RGS21: variants seen among roughly 807,000 people sequenced by gnomAD.
RGS21 encodes regulator of G protein signaling 21.
RGS21 carries 19 observed loss-of-function variants against 18.7 expected under a neutral mutation model. The observed-to-expected ratio is 1.01, with a 90% CI of 0.71 to 1.49. The LOEUF (loss-of-function observed/expected upper bound fraction) is 1.49. Ranked by LOEUF, RGS21 falls within the 40% of genes most tolerant of loss-of-function variation. RGS21 has a pLI of 0.00. For synonymous variants in RGS21, 56 were observed against 57.8 expected (o/e 0.97, Z 0.14); for missense variants, 194 against 176.8 (o/e 1.10, Z -0.55).
At chr1:192,354,635 C>G (rs1434810212) in intron 4 of RGS21, among the ~76,000 whole-genome samples, 1 of 151,580 alleles carries the variant, frequency 6.6e-6, no homozygotes, top group Non-Finnish European at 1.5e-5. Flanking sequence ...AAAATTAAAT[C>G]AAGAATGAGA....
At position 192,352,036 on chromosome 1, in the gene RGS21, A is replaced by C; in HGVS notation, c.89-11A>C. ...GCTATTATACAAAACTTTTTCTCAT[A>C]TATTTTATAGCTGGTCTAGATGCTT... On this transcript the variant is annotated splice_polypyrimidine_tract_variant and intron_variant, in intron 3 of 4. Coordinates refer to ENST00000417209, the MANE Select transcript of RGS21 (RefSeq NM_001039152.3). The C allele has an allele frequency of 6.5e-7, 1 of 1,544,542 alleles. No homozygotes were observed. The highest frequency in any genetic ancestry group is 8.7e-7 in the Non-Finnish European group (1 of 1,144,726).
At chr1:192,350,327 T>C (rs577675262) in intron 3 of RGS21, among the ~76,000 whole-genome samples, 47 of 152,310 alleles carry the variant, frequency 3.1e-4, no homozygotes, top group South Asian at 2.1e-3. Flanking sequence ...AGGAAGTCCT[T>C]TTCTATTTTA....
intron 4 of RGS21, among the ~76,000 whole-genome samples, chr1:192,358,608 C>A (rs969808018): frequency 5.9e-5 from 9 of 151,944 alleles, no homozygotes; most frequent in Non-Finnish European, 1.0e-4. Context: ...ATGCACACAC[C>A]CTTTGCATAA....
chr1:192,344,235 GA>G (rs955836561), intron 2 of RGS21, among the ~76,000 whole-genome samples: 7 of 151,622 alleles, frequency 4.6e-5, no homozygotes, highest in African/African-American at 9.7e-5. Flanking sequence ...TCTATTGCAG[GA>G]AAAAAACACT....
chr1:192,349,431 A>T (rs1213715668), intron 3 of RGS21, among the ~76,000 whole-genome samples: 3 of 152,194 alleles, frequency 2.0e-5, no homozygotes, highest in Admixed American at 1.3e-4. Flanking sequence ...GTTGATTTGC[A>T]GACATACTTT....
chr1:192,350,261 A>G (rs2102233409), intron 3 of RGS21, among the ~76,000 whole-genome samples: 1 of 152,350 alleles, frequency 6.6e-6, no homozygotes, highest in Admixed American at 6.5e-5. Flanking sequence ...ATAACTTTAA[A>G]AAAATCTGTT....
chr1:192,351,943 C>G, intron 3 of RGS21, 104 bp from the exon 4 acceptor site: 1 of 605,718 alleles, frequency 1.7e-6, no homozygotes, highest in East Asian at 2.9e-5. Flanking sequence ...TCAATATTTG[C>G]CACTGAATAT....
intron 1 of RGS21, among the ~76,000 whole-genome samples, chr1:192,338,351 T>C (rs1400063540): frequency 6.6e-6 from 1 of 152,136 alleles, no homozygotes. Context: ...TCAAATTATT[T>C]AGTCCTAAAA....
chr1:192,336,985 G>A (rs891883301), intron 1 of RGS21, among the ~76,000 whole-genome samples: 5 of 151,878 alleles, frequency 3.3e-5, no homozygotes, highest in African/African-American at 1.2e-4. Context: ...GGATATAGTT[G>A]CAATAACATA....
chr1:192,344,254 T>C (rs962846785), intron 2 of RGS21, among the ~76,000 whole-genome samples: 1 of 152,108 alleles, frequency 6.6e-6, no homozygotes, highest in African/African-American at 2.4e-5. Context: ...ACTTTTTAGG[T>C]AGTTATTATA....
At chr1:192,329,764 T>TAA (rs11442855) in intron 1 of RGS21, among the ~76,000 whole-genome samples, 6 of 150,500 alleles carry the variant, frequency 4.0e-5, no homozygotes, top group African/African-American at 1.2e-4. Flanking sequence ...CAGGGAAAAG[T>TAA]AAAAAAAAAA....
At position 192,366,070 on chromosome 1, in the gene RGS21, A is replaced by G. The variant is rs1659255377; in HGVS notation, c.405A>G (p.Lys135=). 1 of 1,611,916 alleles carries G rather than the reference A, an allele frequency of 6.2e-7. No homozygotes were observed. Among genetic ancestry groups the G allele is most frequent in the Admixed American group, 1.7e-5 (1 of 59,818 alleles). Residue 135 remains lysine, a synonymous_variant, in exon 5 of 5, where the codon AAA becomes AAG. Coordinates refer to ENST00000417209, the MANE Select transcript of RGS21 (RefSeq NM_001039152.3). Reference sequence around the variant, plus strand: ...TTCTGAAGTCAGAGATTTATAAAAAACTGGTAAATAGCCAACAGGTTCCAA... The same window carrying G: ...TTCTGAAGTCAGAGATTTATAAAAAGCTGGTAAATAGCCAACAGGTTCCAA... ...PRFLKSEIYK[K]LVNSQQVPNH... is the part of the protein sequence containing the mutation.
intron 1 of RGS21, among the ~76,000 whole-genome samples, chr1:192,333,566 A>T (rs1032033437): frequency 1.3e-4 from 19 of 150,964 alleles, no homozygotes; most frequent in Non-Finnish European, 2.2e-4. Flanking sequence ...GCTGATTGGA[A>T]AGAGCCCATC....
At chr1:192,335,571 T>C (rs548850687) in intron 1 of RGS21, among the ~76,000 whole-genome samples, 30 of 152,340 alleles carry the variant, frequency 2.0e-4, no homozygotes, top group African/African-American at 6.3e-4. Context: ...TGTTGTGAGA[T>C]GTACAAGACT....
At chr1:192,320,672 T>C (rs2102220284) in intron 1 of RGS21, among the ~76,000 whole-genome samples, 1 of 152,192 alleles carries the variant, frequency 6.6e-6, no homozygotes, top group Middle Eastern at 3.4e-3. Context: ...TGCTTGAACA[T>C]GACTTTTATG....
chr1:192,325,285 G>A (rs908398501), intron 1 of RGS21, among the ~76,000 whole-genome samples: 1 of 152,022 alleles, frequency 6.6e-6, no homozygotes, highest in South Asian at 2.1e-4. Context: ...CATCCACATT[G>A]CTGCAAAGGA....
rs1184288979 is a variant in RGS21 at position 192,354,347 on chromosome 1, A to G, written c.255+2134A>G. On this transcript the variant is annotated intron_variant, in intron 4 of 4. Transcript: ENST00000417209. ...AAGTTAGATTTGCGGTGTGGTTCAC[A>G]CATGAAAAATGAGTCATATTTTATG... Among the ~76,000 whole-genome samples the G allele has an allele frequency of 3.3e-5, 5 of 151,792 alleles. No homozygotes were observed. In the Admixed American group the frequency reaches 3.3e-4, roughly 10 times the overall value.
At chr1:192,358,127 T>C (rs947135334) in intron 4 of RGS21, among the ~76,000 whole-genome samples, 15 of 152,032 alleles carry the variant, frequency 9.9e-5, no homozygotes, top group African/African-American at 3.1e-4. Context: ...ATTTCATATG[T>C]GTCATCTCCT....
rs778183938 is a variant in RGS21 at position 192,352,104 on chromosome 1, A to C, written c.146A>C (p.Glu49Ala). 1.9e-5 allele frequency: 31 copies of C among 1,607,036 alleles called. No individual in the cohort carries two copies. Among genetic ancestry groups the C allele is most frequent in the African/African-American group, 8.1e-5 (6 of 74,512 alleles). ...LKSEFSEENV[E>A]FWLACEDFKK... is the part of the protein sequence containing the mutation. ...TCAGAGTTTAGTGAAGAAAATGTTG[A>C]GTTCTGGCTTGCCTGTGAAGACTTT... is the stretch of plus-strand genomic sequence containing the variant. The change falls in exon 4 of 5, where the codon GAG becomes GCG. Residue 49 changes from glutamate (E) to alanine (A), a missense_variant. By Grantham distance (107) the Glu-to-Ala change is moderately radical. Coordinates refer to ENST00000417209, the MANE Select transcript of RGS21 (RefSeq NM_001039152.3).
Sources: gnomAD v4.1 joint callset for allele counts (sites outside exome capture counted in the v4.1 genomes callset) on GRCh38, gnomAD v4.1.1 for gene constraint, MANE v1.5 for transcripts, NCBI Gene and HGNC (gene_info 2026-07-23, HGNC 2026-07-21) for gene names.